The following SERINC5 variants were observed in gnomAD, a reference collection of about 807,000 sequenced individuals.
The protein encoded by SERINC5 is chromosome 5 open reading frame 12.
SERINC5 carries 41 observed loss-of-function variants against 63.1 expected under a neutral mutation model. That is an observed-to-expected ratio of 0.65 (90% confidence interval 0.51 to 0.84). SERINC5 has a LOEUF of 0.84. Among genes scored for constraint, SERINC5 ranks in the 40% least tolerant of loss-of-function variants. SERINC5 has a pLI of 0.00. For synonymous variants in SERINC5, 222 were observed against 215.2 expected (o/e 1.03, Z -0.28); for missense variants, 523 against 573.0 (o/e 0.91, Z 0.89).
downstream of SERINC5, among the ~76,000 whole-genome samples, chr5:80,137,139 C>CAAAAAAAAAAA (rs869035894): frequency 3.8e-3 from 256 of 67,352 alleles, 1 homozygote; most frequent in East Asian, 6.3e-3. Flanking sequence ...GACCCTGTCT[C>CAAAAAAAAAAA]AAAAAAAAAA....
intron 1 of SERINC5, among the ~76,000 whole-genome samples, chr5:80,219,459 G>A (rs1750805838): frequency 6.6e-6 from 1 of 152,130 alleles, no homozygotes; most frequent in Non-Finnish European, 1.5e-5. Flanking sequence ...CTAGCTTGAA[G>A]TGGAAGGAAC....
intron 11 of SERINC5, among the ~76,000 whole-genome samples, chr5:80,132,296 C>A (rs1744979406): frequency 6.6e-6 from 1 of 152,196 alleles, no homozygotes; most frequent in African/African-American, 2.4e-5. Context: ...CCTGAAATTC[C>A]TAGACCCCCT....
At chr5:80,200,607 G>C (rs6453510) in intron 2 of SERINC5, among the ~76,000 whole-genome samples, 45,018 of 151,886 alleles carry the variant, frequency 0.3, 6,867 homozygotes, top group African/African-American at 0.32. Context: ...ACTGAAGAAA[G>C]AGCCAATGTT....
chr5:80,118,594 A>T (rs970033313), intron 11 of SERINC5, among the ~76,000 whole-genome samples: 14 of 151,778 alleles, frequency 9.2e-5, no homozygotes, highest in African/African-American at 3.4e-4. Context: ...GTCCCCCAGG[A>T]TGGAGTACAG....
At chr5:80,137,144 A>AAAAAAAAC (rs1554058487), downstream of SERINC5, among the ~76,000 whole-genome samples, 14 of 117,032 alleles carry the variant, frequency 1.2e-4, no homozygotes, top group African/African-American at 4.0e-4. Flanking sequence ...TGTCTCAAAA[A>AAAAAAAAC]AAAAAAAAAA....
At chr5:80,186,126 GAAAAAA>G (rs10554934) in intron 2 of SERINC5, among the ~76,000 whole-genome samples, 68 of 61,440 alleles carry the variant, frequency 1.1e-3, no homozygotes, top group Admixed American at 2.4e-3. Context: ...TTCTTGTTTT[GAAAAAA>G]AAAAAAAAAA....
At chr5:80,233,891 A>G (rs1334463908) in intron 1 of SERINC5, among the ~76,000 whole-genome samples, 1 of 142,832 alleles carries the variant, frequency 7.0e-6, no homozygotes, top group Non-Finnish European at 1.5e-5. Flanking sequence ...GGCTCACTAC[A>G]ACCTCTGCCT....
chr5:80,174,172 G>A (rs1345907677), intron 5 of SERINC5, among the ~76,000 whole-genome samples: 1 of 151,824 alleles, frequency 6.6e-6, no homozygotes, highest in East Asian at 1.9e-4. Context: ...ATCAGCCTGG[G>A]CGACGTGGCG....
chr5:80,213,045 G>A (rs1408670918), intron 1 of SERINC5, among the ~76,000 whole-genome samples: 1 of 152,074 alleles, frequency 6.6e-6, no homozygotes, highest in Non-Finnish European at 1.5e-5. Flanking sequence ...AGGAGTTTGA[G>A]ACCAGCCTGG....
intron 1 of SERINC5, among the ~76,000 whole-genome samples, chr5:80,232,139 T>C (rs1235702940): frequency 8.9e-5 from 13 of 146,836 alleles, no homozygotes; most frequent in African/African-American, 1.5e-4. Flanking sequence ...GCAAGGTGGC[T>C]CACGCCTGTA....
intron 2 of SERINC5, among the ~76,000 whole-genome samples, chr5:80,192,421 A>G (rs142758550): frequency 6.8e-6 from 1 of 147,860 alleles, no homozygotes; most frequent in East Asian, 2.0e-4. Flanking sequence ...CAAACTGTGT[A>G]TCTCCCATAT....
At chr5:80,155,702 C>T (rs1434991926) in intron 8 of SERINC5, among the ~76,000 whole-genome samples, 9 of 151,928 alleles carry the variant, frequency 5.9e-5, no homozygotes, top group Non-Finnish European at 1.3e-4. Context: ...GACAGTTTAC[C>T]CAGCCTGGGT....
intron 11 of SERINC5, among the ~76,000 whole-genome samples, chr5:80,125,338 T>C (rs1484483077): frequency 1.3e-5 from 2 of 152,136 alleles, no homozygotes; most frequent in African/African-American, 4.8e-5. Context: ...GGGCAGAGGA[T>C]CAGGCTGCCA....
intron 1 of SERINC5, among the ~76,000 whole-genome samples, chr5:80,238,788 C>CAAA (rs34850558): frequency 3.0e-5 from 3 of 98,994 alleles, no homozygotes; most frequent in Non-Finnish European, 6.3e-5. Context: ...GACTTCATCT[C>CAAA]AAAAAAAAAA....
At chr5:80,191,194 T>C (rs1014402343) in intron 2 of SERINC5, among the ~76,000 whole-genome samples, 1 of 152,070 alleles carries the variant, frequency 6.6e-6, no homozygotes, top group Admixed American at 6.6e-5. Context: ...GTTCTGTTTC[T>C]GCTTTTTTTC....
At chr5:80,174,830 T>C in intron 5 of SERINC5, 124 bp downstream of exon 5, 4 of 584,608 alleles carry the variant, frequency 6.8e-6, no homozygotes, top group Non-Finnish European at 1.2e-5. Flanking sequence ...AATGAAGAGG[T>C]ACAAAAAAGC....
rs563480138 is a variant in SERINC5, at chr5:80,112,547, A to G, written c.*30-845T>C. The stretch of plus-strand genomic sequence containing the variant: ...TGCTGAGCGCCAGTCTGCTGGGCCC[A>G]CTGTTCTTTCTCTATACTTTGTCTC... On this transcript the variant is annotated intron_variant, in intron 12 of 12. Coordinates refer to the SERINC5 transcript ENST00000509193. 7.1e-4 allele frequency among the ~76,000 whole-genome samples: 108 copies of G among 152,188 alleles called. No individual in the cohort carries two copies. In the South Asian group the frequency reaches 1.0e-2, roughly 14 times the overall value.
At position 80,190,106 on chromosome 5, in the gene SERINC5, CTTTTTTTT is replaced by C. The variant is rs11422784; in HGVS notation, c.196-12050_196-12043del. 5.0e-3 allele frequency among the ~76,000 whole-genome samples: 467 copies of C among 93,220 alleles called. 1 individual carries two copies. The Middle Eastern group carries it at 0.098, about 20-fold the overall frequency. The allele number at this position is 93,220 out of a possible 152,430, so 61.2% of individuals were successfully genotyped here. On this transcript the variant is annotated intron_variant, in intron 2 of 11. Transcript: ENST00000507668. ...ACTATTTACATAACTGTCTCCCGTACTTTTTTTTTTTTTTTTTTTTTTTGAGACAGGGT... is the reference window on the plus strand; with the variant it reads ...ACTATTTACATAACTGTCTCCCGTACTTTTTTTTTTTTTTTGAGACAGGGT...
chr5:80,204,043 T>C (rs766111395), intron 1 of SERINC5, among the ~76,000 whole-genome samples: 1 of 152,076 alleles, frequency 6.6e-6, no homozygotes, highest in Non-Finnish European at 1.5e-5. Flanking sequence ...GCCTGGAGGG[T>C]GGTGCACCCA....
Sources: allele counts gnomAD v4.1 joint callset (sites outside exome capture counted in the v4.1 genomes callset), GRCh38; gene constraint gnomAD v4.1.1; transcripts MANE v1.5; gene names NCBI Gene and HGNC (gene_info 2026-07-23, HGNC 2026-07-21).